The following TMEM108 variants were observed in gnomAD, a reference collection of about 807,000 sequenced individuals.
TMEM108 encodes the protein cancer/testis antigen 124.
A neutral mutation model predicts 35.1 loss-of-function variants in TMEM108; 12 were observed. The ratio of observed to expected loss-of-function variants is 0.34; its 90% CI spans 0.22 to 0.55. The LOEUF (loss-of-function observed/expected upper bound fraction) is 0.55, where lower values mean the gene tolerates loss of function less well. Ranked by LOEUF, TMEM108 falls within the 20% of genes least tolerant of loss-of-function variation. TMEM108 has a pLI of 0.89. For synonymous variants in TMEM108, 287 were observed against 308.6 expected (o/e 0.93, Z 0.73); for missense variants, 680 against 753.3 (o/e 0.90, Z 1.14).
intron 2 of TMEM108, among the ~76,000 whole-genome samples, chr3:133,099,550 C>T (rs1944059883): frequency 6.6e-6 from 1 of 152,150 alleles, no homozygotes; most frequent in South Asian, 2.1e-4. Flanking sequence ...AACTTTTATG[C>T]TCCGTTTCCC....
At chr3:133,049,204 A>G (rs1943375676) in intron 2 of TMEM108, among the ~76,000 whole-genome samples, 1 of 152,220 alleles carries the variant, frequency 6.6e-6, no homozygotes, top group Non-Finnish European at 1.5e-5. Flanking sequence ...CCTCTTGGAT[A>G]ATTTTCTCAA....
intron 3 of TMEM108, among the ~76,000 whole-genome samples, chr3:133,269,975 G>A (rs1946748033): frequency 6.6e-6 from 1 of 152,176 alleles, no homozygotes; most frequent in Non-Finnish European, 1.5e-5. Flanking sequence ...CTAGTGTTGG[G>A]GGAAGGGATG....
chr3:133,207,243 C>G (rs1034285376), intron 2 of TMEM108, among the ~76,000 whole-genome samples: 1 of 152,136 alleles, frequency 6.6e-6, no homozygotes, highest in Non-Finnish European at 1.5e-5. Flanking sequence ...GAGGGAGTTC[C>G]CTGACTCCTT....
chr3:133,209,196 C>T (rs1945800975), intron 2 of TMEM108, among the ~76,000 whole-genome samples: 1 of 148,434 alleles, frequency 6.7e-6, no homozygotes, highest in Non-Finnish European at 1.5e-5. Context: ...CACAGGCCAC[C>T]ACACCTGGCT....
intron 2 of TMEM108, among the ~76,000 whole-genome samples, chr3:133,085,635 T>G (rs941086950): frequency 6.6e-6 from 1 of 152,240 alleles, no homozygotes; most frequent in Non-Finnish European, 1.5e-5. Context: ...GTCTGATTCC[T>G]TTGTCCTTTT....
In TMEM108 at chr3:133,312,124, C is replaced by T. The variant is rs187063861; in HGVS notation, c.41-67628C>T. 1.2e-3 allele frequency among the ~76,000 whole-genome samples: 190 copies of T among 152,326 alleles called. 1 individual carries two copies. Among genetic ancestry groups the T allele is most frequent in the African/African-American group, 4.4e-3 (184 of 41,572 alleles). ...GGAAGCTTCATCCCAGAGGGGTGCCCGCCTGTATGAGGTGTCTGTCAGCCC... is the reference window on the plus strand; with the variant it reads ...GGAAGCTTCATCCCAGAGGGGTGCCTGCCTGTATGAGGTGTCTGTCAGCCC... On this transcript the variant is annotated intron_variant, in intron 3 of 5. Transcript: ENST00000321871.
At chr3:133,216,136 A>G (rs79768273) in intron 2 of TMEM108, among the ~76,000 whole-genome samples, 2 of 152,180 alleles carry the variant, frequency 1.3e-5, no homozygotes, top group Admixed American at 6.5e-5. Flanking sequence ...TTTCAAGTCA[A>G]TCTGCATATC....
intron 1 of TMEM108, among the ~76,000 whole-genome samples, chr3:133,040,741 A>G (rs1559813499): frequency 6.6e-6 from 1 of 152,222 alleles, no homozygotes; most frequent in African/African-American, 2.4e-5. Flanking sequence ...AGCTTAGTCC[A>G]TCTAGCAACG....
intron 2 of TMEM108, among the ~76,000 whole-genome samples, chr3:133,180,490 A>G (rs1559859517): frequency 6.6e-6 from 1 of 152,116 alleles, no homozygotes; most frequent in South Asian, 2.1e-4. Flanking sequence ...TTAGCATTCT[A>G]GTCTTAAATA....
At chr3:133,138,750 T>G (rs1576339587) in intron 2 of TMEM108, among the ~76,000 whole-genome samples, 1 of 152,206 alleles carries the variant, frequency 6.6e-6, no homozygotes, top group African/African-American at 2.4e-5. Flanking sequence ...AGGGGCCATT[T>G]GTACTAACCT....
chr3:133,259,936 CG>C (rs1946601260), intron 3 of TMEM108, among the ~76,000 whole-genome samples: 1 of 151,976 alleles, frequency 6.6e-6, no homozygotes, highest in Non-Finnish European at 1.5e-5. Context: ...TAGGTGAAGG[CG>C]TGTGGTAACA....
chr3:133,080,549 C>T (rs1272599366), intron 2 of TMEM108, among the ~76,000 whole-genome samples: 2 of 152,208 alleles, frequency 1.3e-5, no homozygotes, highest in African/African-American at 4.8e-5. Context: ...GAATCCTTCC[C>T]AGAGCTCTTT....
intron 3 of TMEM108, among the ~76,000 whole-genome samples, chr3:133,288,339 C>A (rs904797600): frequency 6.6e-6 from 1 of 152,208 alleles, no homozygotes; most frequent in Non-Finnish European, 1.5e-5. Context: ...ATGGATGTGG[C>A]CTTAAGCTTT....
chr3:133,280,895 C>G (rs1388524829), intron 3 of TMEM108, among the ~76,000 whole-genome samples: 5 of 152,206 alleles, frequency 3.3e-5, no homozygotes, highest in Admixed American at 2.0e-4. Context: ...CACGTGGAGG[C>G]TGAACAGGTG....
intron 3 of TMEM108, among the ~76,000 whole-genome samples, chr3:133,313,350 A>G (rs2071158066): frequency 6.6e-6 from 1 of 151,878 alleles, no homozygotes; most frequent in Non-Finnish European, 1.5e-5. Flanking sequence ...GTTGCCCACC[A>G]CCACGCCTGG....
At chr3:133,048,353 A>C (rs964382540) in intron 2 of TMEM108, among the ~76,000 whole-genome samples, 1 of 152,176 alleles carries the variant, frequency 6.6e-6, no homozygotes, top group East Asian at 1.9e-4. Context: ...TTACATTTCT[A>C]TTTCTTCTCT....
intron 2 of TMEM108, among the ~76,000 whole-genome samples, chr3:133,052,769 A>G (rs959916274): frequency 2.0e-5 from 3 of 152,112 alleles, no homozygotes; most frequent in Admixed American, 6.6e-5. Context: ...TGATGGAATG[A>G]ATCATTGTTA....
In TMEM108 at chr3:133,304,323, T is replaced by C. The variant is rs1214338041; in HGVS notation, c.40+74972T>C. Among the ~76,000 whole-genome samples the C allele has an allele frequency of 5.3e-5, 8 of 152,346 alleles. No homozygotes were observed. In the East Asian group the frequency reaches 1.5e-3, roughly 29 times the overall value. On this transcript the variant is annotated intron_variant, in intron 3 of 5. Coordinates refer to ENST00000321871, the MANE Select transcript of TMEM108 (RefSeq NM_023943.4). ...ATTGCATGTTCCTTCTAAACTTGGC[T>C]ATACTGACATTTTTAACAGCTTTAG... is the stretch of plus-strand genomic sequence containing the variant.
chr3:133,191,476 G>A (rs1196402318), intron 2 of TMEM108, among the ~76,000 whole-genome samples: 2 of 152,242 alleles, frequency 1.3e-5, no homozygotes, highest in Admixed American at 6.5e-5. Flanking sequence ...AATAACAGTA[G>A]GTGACAATCA....
Sources: allele counts gnomAD v4.1 joint callset (sites outside exome capture counted in the v4.1 genomes callset), GRCh38; gene constraint gnomAD v4.1.1; transcripts MANE v1.5; gene names NCBI Gene and HGNC (gene_info 2026-07-23, HGNC 2026-07-21).